SLTM: variants seen among roughly 807,000 people sequenced by gnomAD.
SLTM encodes the protein SAFB-like transcription modulator.
A neutral mutation model predicts 134.6 loss-of-function variants in SLTM; 43 were observed. The ratio of observed to expected loss-of-function variants is 0.32; its 90% CI spans 0.25 to 0.41. SLTM has a LOEUF of 0.41. Among genes scored for constraint, SLTM ranks in the 10% least tolerant of loss-of-function variants. The pLI is 1.00. For missense variants in SLTM, 1,055 were observed against 1,288.8 expected, an observed-to-expected ratio of 0.82 and a Z score of 2.78; for synonymous variants, 424 against 432.3, an observed-to-expected ratio of 0.98 and a Z score of 0.24.
rs138706914 is a variant in SLTM, at chr15:58,893,412, G to A, written c.1649-48C>T. On this transcript the variant is annotated intron_variant, in intron 12 of 20. Coordinates refer to ENST00000380516, the MANE Select transcript of SLTM (RefSeq NM_024755.4). The stretch of plus-strand genomic sequence containing the variant: ...AACAATGTCTAAAATTTTTCATTGA[G>A]AAAGAAAATATGTATGTAAAAATGC... The A allele has an allele frequency of 1.1e-3, 1,449 of 1,323,610 alleles. 17 individuals are homozygous for A. Among genetic ancestry groups the A allele is most frequent in the South Asian group, 0.011 (825 of 76,722 alleles). 82.0% of individuals were successfully genotyped at this position (1,323,610 alleles called of 1,614,324 possible).
At chr15:58,884,422 G>T (rs1363700876) in intron 19 of SLTM, among the ~76,000 whole-genome samples, 1 of 152,002 alleles carries the variant, frequency 6.6e-6, no homozygotes, top group Non-Finnish European at 1.5e-5. Flanking sequence ...GGATTCAAGC[G>T]ATTCTCCTGC....
intron 20 of SLTM, among the ~76,000 whole-genome samples, chr15:58,881,013 T>C (rs1361943757): frequency 1.3e-5 from 2 of 151,398 alleles, no homozygotes. Flanking sequence ...GCAGACCCCC[T>C]CCCCCGACAA....
chr15:58,888,612 A>G (rs761667152), intron 16 of SLTM, 57 bp from the exon 17 acceptor site: 2 of 1,560,848 alleles, frequency 1.3e-6, no homozygotes, highest in Non-Finnish European at 8.8e-7. Flanking sequence ...ATCAAACGAC[A>G]TTTACTTGGA....
intron 5 of SLTM, among the ~76,000 whole-genome samples, chr15:58,902,629 C>T (rs981630016): frequency 1.2e-4 from 18 of 151,840 alleles, no homozygotes; most frequent in African/African-American, 3.6e-4. Context: ...CAGACTCAAG[C>T]GTTCCTCCTG....
intron 1 of SLTM, among the ~76,000 whole-genome samples, chr15:58,933,198 G>A (rs2038009320): frequency 6.6e-6 from 1 of 151,570 alleles, no homozygotes; most frequent in Admixed American, 6.6e-5. Context: ...TCCCTCGCAG[G>A]CCCGGCCCGG....
intron 14 of SLTM, among the ~76,000 whole-genome samples, chr15:58,892,587 G>A (rs998791181): frequency 6.6e-6 from 1 of 152,230 alleles, no homozygotes; most frequent in East Asian, 1.9e-4. Context: ...TCTGAGTCCC[G>A]ACTCTGCCAC....
At chr15:58,898,324 T>C (rs1304124614) in intron 8 of SLTM, 1 of 152,408 alleles carries the variant, frequency 6.6e-6, no homozygotes, top group African/African-American at 2.4e-5. Context: ...GATTTCTCAG[T>C]ATCAGAAAGC....
chr15:58,913,888 C>T (rs1253257038), intron 3 of SLTM, 192 bp from the exon 4 acceptor site: 15 of 461,472 alleles, frequency 3.3e-5, no homozygotes, highest in Non-Finnish European at 5.3e-5. Flanking sequence ...TCATCAAACA[C>T]GAATCTGAGT....
chr15:58,923,137 T>C (rs2037214471), intron 2 of SLTM, among the ~76,000 whole-genome samples: 1 of 152,006 alleles, frequency 6.6e-6, no homozygotes, highest in African/African-American at 2.4e-5. Context: ...GCAGGAGGAT[T>C]AACTGAGGTC....
chr15:58,930,600 C>G (rs1271507139), intron 2 of SLTM, among the ~76,000 whole-genome samples: 1 of 151,658 alleles, frequency 6.6e-6, no homozygotes, highest in African/African-American at 2.4e-5. Flanking sequence ...GTAGTCCCAG[C>G]TACCAGGGAG....
intron 6 of SLTM, 199 bp downstream of exon 6, chr15:58,901,061 G>A: frequency 1.8e-6 from 1 of 549,962 alleles, no homozygotes; most frequent in Non-Finnish European, 3.3e-6. Context: ...GTACTATTAA[G>A]TTGCAATATA....
At chr15:58,930,755 A>AT (rs2037821451) in intron 2 of SLTM, among the ~76,000 whole-genome samples, 2 of 148,414 alleles carry the variant, frequency 1.3e-5, no homozygotes, top group African/African-American at 4.9e-5. Context: ...ACCTATATAT[A>AT]ATCTATATAT....
Position 58,899,867 on chromosome 15 carries a change from C to T in SLTM, c.660G>A (p.Glu220=). Residue 220 remains glutamate, a synonymous_variant, in exon 7 of 21, where the codon GAG becomes GAA. Coordinates refer to ENST00000380516, the MANE Select transcript of SLTM (RefSeq NM_024755.4). The surrounding 1 kb of genome is among the most constrained non-coding windows in gnomAD (Gnocchi z 5.0). Reference sequence around the variant, plus strand: ...TCTCTTCATGAGCTGTGTGATCAGCCTCAGCTAGGCTCCCTTCTGAAGGAA... The same window carrying T: ...TCTCTTCATGAGCTGTGTGATCAGCTTCAGCTAGGCTCCCTTCTGAAGGAA... ...KPLPSEGSLA[E]ADHTAHEEME... is the part of the protein sequence containing the mutation. 1 of 1,614,060 alleles carries T rather than the reference C, an allele frequency of 6.2e-7. No individual in the cohort carries two copies.
chr15:58,886,194 T>A (rs1206364589), intron 19 of SLTM, among the ~76,000 whole-genome samples: 3 of 150,462 alleles, frequency 2.0e-5, no homozygotes. Context: ...TTAAGCTACT[T>A]AAATGAAGCA....
intron 2 of SLTM, among the ~76,000 whole-genome samples, chr15:58,924,458 A>C (rs914001796): frequency 6.6e-6 from 1 of 152,230 alleles, no homozygotes; most frequent in African/African-American, 2.4e-5. Context: ...GAAGAGTAAA[A>C]CGTTGCATAT....
chr15:58,910,539 G>C (rs1301317554), intron 5 of SLTM, among the ~76,000 whole-genome samples: 1 of 152,050 alleles, frequency 6.6e-6, no homozygotes, highest in Non-Finnish European at 1.5e-5. Context: ...AAAATTGTTC[G>C]TAATGAAGTT....
intron 14 of SLTM, among the ~76,000 whole-genome samples, chr15:58,892,677 T>A (rs2034758274): frequency 1.3e-5 from 2 of 152,196 alleles, no homozygotes; most frequent in Admixed American, 1.3e-4. Context: ...TGGGCATAAC[T>A]AGCCTTACAG....
At chr15:58,926,613 C>CTTTTTTTTTTTTTTTTTTTTTT (rs377711971) in intron 2 of SLTM, among the ~76,000 whole-genome samples, 1 of 141,736 alleles carries the variant, frequency 7.1e-6, no homozygotes. Context: ...TCTGGATTAC[C>CTTTTTTTTTTTTTTTTTTTTTT]TTTTTTTTTT....
rs757850830 is a variant in SLTM, at chr15:58,886,994, T to G, written c.2816A>C (p.Asp939Ala). 13 of 1,612,536 alleles carry G rather than the reference T, an allele frequency of 8.1e-6. No homozygotes were observed. The highest frequency in any genetic ancestry group is 1.0e-5 in the Non-Finnish European group (12 of 1,180,014). The part of the protein sequence containing the change: ...SREGDRGVIT[D>A]RGGGSQHYPE... ...ACTTACCTGTGATCCACCTCCTCGGTCTGTGATGACTCCTCTGTCTCCCTC... is the reference window on the plus strand; with the variant it reads ...ACTTACCTGTGATCCACCTCCTCGGGCTGTGATGACTCCTCTGTCTCCCTC... Residue 939 changes from aspartate (D) to alanine (A), a missense_variant, in exon 19 of 21, where the codon GAC (aspartate) becomes GCC (alanine). Transcript: ENST00000380516.
Sources: allele counts gnomAD v4.1 joint callset (sites outside exome capture counted in the v4.1 genomes callset), GRCh38; gene constraint gnomAD v4.1.1; non-coding constraint Gnocchi (gnomAD v3.1); transcripts MANE v1.5; gene names NCBI Gene and HGNC (gene_info 2026-07-23, HGNC 2026-07-21).